Variants in PTPRU observed in about 807,000 individuals in gnomAD.
PTPRU encodes the protein protein tyrosine phosphatase receptor type U, also known as receptor-type tyrosine-protein phosphatase U.
PTPRU carries 69 observed loss-of-function variants against 166.3 expected under a neutral mutation model. That is an observed-to-expected ratio of 0.41 (90% confidence interval 0.34 to 0.51). The LOEUF (loss-of-function observed/expected upper bound fraction) is 0.51, where lower values mean the gene tolerates loss of function less well. PTPRU is among the 20% of genes least tolerant of loss of function. The probability of loss-of-function intolerance (pLI) is 0.09; values close to 1 mark genes in which losing one functional copy is unlikely to be tolerated. For missense variants in PTPRU, 1,657 were observed against 2,013.7 expected, an observed-to-expected ratio of 0.82 and a Z score of 3.39; for synonymous variants, 793 against 814.0, an observed-to-expected ratio of 0.97 and a Z score of 0.44.
intron 14 of PTPRU, among the ~76,000 whole-genome samples, chr1:29,285,712 C>T (rs931117946): frequency 6.6e-6 from 1 of 152,224 alleles, no homozygotes; most frequent in African/African-American, 2.4e-5. Flanking sequence ...GCCTTCAAAA[C>T]ACCAGAAAAC....
intron 7 of PTPRU, among the ~76,000 whole-genome samples, chr1:29,264,586 ACCT>A (rs1012069790): frequency 6.6e-5 from 10 of 151,226 alleles, no homozygotes; most frequent in Non-Finnish European, 1.5e-4. Context: ...GCTCACTGCA[ACCT>A]CCGCCTCCCA....
At chr1:29,302,866 G>A (rs1313254231) in intron 15 of PTPRU, among the ~76,000 whole-genome samples, 1 of 152,062 alleles carries the variant, frequency 6.6e-6, no homozygotes, top group African/African-American at 2.4e-5. Flanking sequence ...TATTTTTATA[G>A]CGTATTTTTA....
At chr1:29,324,637 G>A (rs1247146403) in intron 28 of PTPRU, among the ~76,000 whole-genome samples, 1 of 152,162 alleles carries the variant, frequency 6.6e-6, no homozygotes, top group Non-Finnish European at 1.5e-5. Flanking sequence ...CACTGTCTTT[G>A]TCTCTCCGGG....
chr1:29,304,077 T>C (rs1254277241), intron 16 of PTPRU, 32 bp downstream of exon 16: 1 of 1,584,392 alleles, frequency 6.3e-7, no homozygotes, highest in Non-Finnish European at 8.6e-7. Flanking sequence ...GCAGGATCCC[T>C]GCAGAGGCCT....
At chr1:29,258,448 G>GCCCTGT in intron 2 of PTPRU, 57 bp from the exon 3 acceptor site, 1 of 1,566,472 alleles carries the variant, frequency 6.4e-7, no homozygotes, top group Non-Finnish European at 8.7e-7. Context: ...CCTTGCCCTG[G>GCCCTGT]CCCTGTCCCT....
At chr1:29,309,714 A>G (rs1472592628) in intron 18 of PTPRU, among the ~76,000 whole-genome samples, 1 of 152,202 alleles carries the variant, frequency 6.6e-6, no homozygotes, top group Non-Finnish European at 1.5e-5. Context: ...GAAATGAAGG[A>G]GTTTTTGCTC....
At chr1:29,262,015 A>G (rs1685087630) in intron 7 of PTPRU, among the ~76,000 whole-genome samples, 2 of 152,106 alleles carry the variant, frequency 1.3e-5, no homozygotes, top group South Asian at 4.1e-4. Flanking sequence ...TCTTATTCAG[A>G]CTTTTCTGGT....
chr1:29,312,554 A>C lies in PTPRU; in HGVS notation c.3075A>C (p.Arg1025Ser). The C allele has an allele frequency of 1.3e-6, 2 of 1,583,456 alleles. No individual in the cohort carries two copies. Among genetic ancestry groups the C allele is most frequent in the Non-Finnish European group, 1.7e-6 (2 of 1,156,138 alleles). ...YVVRTFALERRGYSARHEVRQ... is the reference protein window; with the variant it reads ...YVVRTFALERSGYSARHEVRQ... ...TATTATTCCCATTGTCTCCCCAGAG[A>C]GGCTACTCTGCCCGGCACGAGGTCC... The change falls in exon 22 of 30, where the codon AGA (arginine) becomes AGC (serine). Residue 1025 changes from arginine (R) to serine (S), a missense_variant and splice_region_variant. By Grantham distance (110) the Arg-to-Ser change is moderately radical. Around this residue, in one of 3 missense-constraint regions of PTPRU, gnomAD observed 1,190 missense variants for 1,477.4 expected, o/e 0.81. Coordinates refer to ENST00000373779, the MANE Select transcript of PTPRU (RefSeq NM_133178.4).
rs140018486 is a variant in PTPRU, at chr1:29,299,933, C to T, written c.2477-3922C>T. 8.5e-4 allele frequency among the ~76,000 whole-genome samples: 130 copies of T among 152,286 alleles called. 1 individual carries two copies. The highest frequency in any genetic ancestry group is 2.7e-3 in the African/African-American group (113 of 41,556). Reference sequence around the variant, plus strand: ...CCCAAGATCTTACAGCAGAGAAGCACCAAGACTCTTGTCAGCCAGCTGCCA... The same window carrying T: ...CCCAAGATCTTACAGCAGAGAAGCATCAAGACTCTTGTCAGCCAGCTGCCA... On this transcript the variant is annotated intron_variant, in intron 15 of 29. Transcript: ENST00000373779.
rs928084236 is a variant in PTPRU, at chr1:29,320,388, A to G, written c.3688-297A>G. 3.1e-6 allele frequency: 1 copy of G among 323,224 alleles called. No individual in the cohort carries two copies. The highest frequency in any genetic ancestry group is 5.6e-6 in the Non-Finnish European group (1 of 178,176). 20.0% of individuals were successfully genotyped at this position (323,224 alleles called of 1,614,324 possible). A position where few individuals can be genotyped will look rare whatever the true frequency, so the allele number is the denominator to read the frequency against. ...GCGGAGGCAGGGAGTAAGCTCGGCC[A>G]GCCTCTGCCTTGAGCTCAGCCTCAT... On this transcript the variant is annotated intron_variant, in intron 25 of 29. Coordinates refer to ENST00000373779, the MANE Select transcript of PTPRU (RefSeq NM_133178.4). The surrounding 1 kb of genome is among the most constrained non-coding windows in gnomAD (Gnocchi z 5.2).
intron 7 of PTPRU, among the ~76,000 whole-genome samples, chr1:29,261,336 C>T (rs1267631556): frequency 6.6e-6 from 1 of 152,146 alleles, no homozygotes; most frequent in Non-Finnish European, 1.5e-5. Context: ...CCATCAAATA[C>T]AAGTATATTA....
chr1:29,284,946 A>T lies in PTPRU; in HGVS notation c.2318+77A>T, dbSNP rs1198135257. 5 of 1,519,698 alleles carry T rather than the reference A, an allele frequency of 3.3e-6. No individual in the cohort carries two copies. In the African/African-American group the frequency reaches 6.9e-5, roughly 21 times the overall value. The allele number at this position is 1,519,698 out of a possible 1,614,324, so 94.1% of individuals were successfully genotyped here. A position where few individuals can be genotyped will look rare whatever the true frequency, so the allele number is the denominator to read the frequency against. On this transcript the variant is annotated intron_variant, in intron 14 of 29. Coordinates refer to ENST00000373779, the MANE Select transcript of PTPRU (RefSeq NM_133178.4). ...CTGGTGGCACAGAGGAATAGTGGCT[A>T]AGAGCTGGTAGGGCAGCTGTCCTGC...
chr1:29,317,973 A>G lies in PTPRU; in HGVS notation c.3687+52A>G, dbSNP rs758177175. 6.3e-7 allele frequency: 1 copy of G among 1,597,086 alleles called. No individual in the cohort carries two copies. The highest frequency in any genetic ancestry group is 1.1e-5 in the South Asian group (1 of 90,416). ...TGGGGCTCCCCTTCCCAGCAGCATC[A>G]GGGAAGGTCCAGGGGCCACGGGAAC... On this transcript the variant is annotated intron_variant, in intron 25 of 29. Transcript: ENST00000373779. This position sits in a 1 kb window ranked among gnomAD's most constrained non-coding sequence, Gnocchi z 5.6.
chr1:29,238,400 C>T lies in PTPRU; in HGVS notation c.73+1683C>T, dbSNP rs949633691. ...ACCGGCGGGGCTGCTCCGCGGGCTCCGGGTAGCCGGGAGACGCCCGGGGCG... is the reference window on the plus strand; with the variant it reads ...ACCGGCGGGGCTGCTCCGCGGGCTCTGGGTAGCCGGGAGACGCCCGGGGCG... On this transcript the variant is annotated intron_variant, in intron 1 of 29. Transcript: ENST00000373779. This position sits in a 1 kb window ranked among gnomAD's most constrained non-coding sequence, Gnocchi z 6.1. Among the ~76,000 whole-genome samples, 1 of 151,810 alleles carries T rather than the reference C, an allele frequency of 6.6e-6. No homozygotes were observed. The highest frequency in any genetic ancestry group is 6.5e-5 in the Admixed American group (1 of 15,274).
intron 1 of PTPRU, among the ~76,000 whole-genome samples, chr1:29,246,946 G>C (rs1304984148): frequency 6.6e-6 from 1 of 152,114 alleles, no homozygotes; most frequent in Non-Finnish European, 1.5e-5. Flanking sequence ...ACTCCATTTT[G>C]TGCCACTTCC....
intron 7 of PTPRU, among the ~76,000 whole-genome samples, chr1:29,274,478 A>C (rs1200648972): frequency 2.0e-5 from 3 of 152,228 alleles, no homozygotes; most frequent in Non-Finnish European, 4.4e-5. Flanking sequence ...GGAACCCACC[A>C]CTGAATTTGA....
chr1:29,256,946 G>A (rs571916538), intron 2 of PTPRU, among the ~76,000 whole-genome samples: 2 of 152,316 alleles, frequency 1.3e-5, no homozygotes, highest in South Asian at 4.1e-4. Flanking sequence ...TGAGGATGTG[G>A]TGGTGAGCCA....
intron 1 of PTPRU, among the ~76,000 whole-genome samples, chr1:29,248,919 A>G (rs531733386): frequency 5.3e-5 from 8 of 152,170 alleles, no homozygotes; most frequent in South Asian, 2.1e-4. Context: ...CTGCCCCAAG[A>G]TGACTCTTGC....
intron 5 of PTPRU, 36 bp downstream of exon 5, chr1:29,259,600 T>TGTTTTGGGGGGGGGGGGGGGGGG: frequency 7.9e-6 from 2 of 253,680 alleles, no homozygotes; most frequent in Non-Finnish European, 1.5e-5. Flanking sequence ...GGGGGCGGGG[T>TGTTTTGGGGGGGGGGGGGGGGGG]GGGAGGGGGT....
Sources: gnomAD v4.1 joint callset for allele counts (sites outside exome capture counted in the v4.1 genomes callset) on GRCh38, gnomAD v4.1.1 for gene constraint, gnomAD v4.1.1 regional missense constraint, Gnocchi (gnomAD v3.1) non-coding constraint, MANE v1.5 for transcripts, NCBI Gene and HGNC (gene_info 2026-07-23, HGNC 2026-07-21) for gene names.